PAK5: variants seen among roughly 807,000 people sequenced by gnomAD.
PAK5 encodes serine/threonine-protein kinase PAK 5.
A neutral mutation model predicts 65.9 loss-of-function variants in PAK5; 16 were observed. The observed-to-expected ratio is 0.24, with a 90% CI of 0.16 to 0.37. PAK5 has a LOEUF of 0.37. Among genes scored for constraint, PAK5 ranks in the 10% least tolerant of loss-of-function variants. The pLI, the probability that PAK5 is intolerant of heterozygous loss-of-function variation, is 1.00. For synonymous variants in PAK5, 371 were observed against 354.9 expected, an observed-to-expected ratio of 1.05 and a Z score of -0.51; for missense variants, 785 against 903.9, an observed-to-expected ratio of 0.87 and a Z score of 1.69.
intron 1 of PAK5, among the ~76,000 whole-genome samples, chr20:9,788,961 C>G (rs1207217115): frequency 6.6e-6 from 1 of 152,142 alleles, no homozygotes; most frequent in Non-Finnish European, 1.5e-5. Flanking sequence ...TGAATAAAGA[C>G]CAGTCACTAT....
chr20:9,656,669 C>T (rs2047272500), intron 2 of PAK5, among the ~76,000 whole-genome samples: 1 of 152,154 alleles, frequency 6.6e-6, no homozygotes, highest in African/African-American at 2.4e-5. Context: ...TACTTAATCT[C>T]TTTATGCCTC....
chr20:9,798,281 G>C (rs147064636), intron 1 of PAK5, among the ~76,000 whole-genome samples: 2 of 152,118 alleles, frequency 1.3e-5, no homozygotes, highest in South Asian at 4.1e-4. Context: ...CTATTGCTAC[G>C]TGTGTAATGT....
At chr20:9,797,240 TG>T (rs1301350461) in intron 1 of PAK5, among the ~76,000 whole-genome samples, 1 of 152,072 alleles carries the variant, frequency 6.6e-6, no homozygotes, top group African/African-American at 2.4e-5. Context: ...TGGGGTTGTT[TG>T]TTTTTTTCTT....
rs563859143 is a variant in PAK5 at position 9,751,831 on chromosome 20, T to C, written c.-161-40396A>G. 2.6e-5 allele frequency among the ~76,000 whole-genome samples: 4 copies of C among 152,274 alleles called. No individual in the cohort carries two copies. The South Asian group carries it at 8.3e-4, about 32-fold the overall frequency. Reference sequence around the variant, plus strand: ...AAAAAACCCATTTTAAAAGGAAAGGTTACAAGGATTCCTGTTTTGTTTTTA... The same window carrying C: ...AAAAAACCCATTTTAAAAGGAAAGGCTACAAGGATTCCTGTTTTGTTTTTA... On this transcript the variant is annotated intron_variant, in intron 1 of 9. Transcript: ENST00000353224.
intron 2 of PAK5, among the ~76,000 whole-genome samples, chr20:9,709,761 C>A (rs1018504446): frequency 6.6e-6 from 1 of 152,152 alleles, no homozygotes. Context: ...CTTAAAATAT[C>A]GTTCAGTTGA....
At chr20:9,792,321 C>T (rs758141964) in intron 1 of PAK5, among the ~76,000 whole-genome samples, 2 of 152,020 alleles carry the variant, frequency 1.3e-5, no homozygotes, top group Non-Finnish European at 2.9e-5. Context: ...CTAAGGGTTG[C>T]GGGAGAAGTT....
intron 1 of PAK5, among the ~76,000 whole-genome samples, chr20:9,799,219 A>G (rs573173958): frequency 4.2e-4 from 64 of 152,286 alleles, no homozygotes; most frequent in South Asian, 3.7e-3. Context: ...CCTTCCAAAC[A>G]CTTTACAAAG....
intron 2 of PAK5, among the ~76,000 whole-genome samples, chr20:9,670,493 G>C (rs2047481443): frequency 6.6e-6 from 1 of 152,084 alleles, no homozygotes; most frequent in Admixed American, 6.6e-5. Flanking sequence ...ATTTCACTGT[G>C]GTTTTGATTA....
chr20:9,815,217 G>A lies in PAK5; in HGVS notation c.-162+23545C>T, dbSNP rs111697131. 1.2e-3 allele frequency among the ~76,000 whole-genome samples: 183 copies of A among 152,280 alleles called. 2 individuals carry two copies. Among genetic ancestry groups the A allele is most frequent in the African/African-American group, 4.3e-3 (177 of 41,568 alleles). On this transcript the variant is annotated intron_variant, in intron 1 of 9. Transcript: ENST00000353224. The stretch of plus-strand genomic sequence containing the variant: ...TCCTACCAGGCCCACCTCCAACACT[G>A]AGGATCAAATTTCAACAAGAGACTT...
At chr20:9,749,809 C>A (rs1812946604) in intron 1 of PAK5, among the ~76,000 whole-genome samples, 1 of 152,134 alleles carries the variant, frequency 6.6e-6, no homozygotes, top group Non-Finnish European at 1.5e-5. Context: ...ATCAGCTGGA[C>A]TACAGTTTAA....
chr20:9,716,156 A>T (rs866856273), intron 1 of PAK5, among the ~76,000 whole-genome samples: 2,234 of 22,876 alleles, frequency 0.098, 21 homozygotes, highest in Middle Eastern at 0.27. Context: ...AAAAAAAAAA[A>T]TTAAAAAAAA....
chr20:9,541,256 G>A (rs1472709235), intron 9 of PAK5, among the ~76,000 whole-genome samples: 2 of 152,144 alleles, frequency 1.3e-5, no homozygotes, highest in Non-Finnish European at 2.9e-5. Flanking sequence ...GAAGAGAGGT[G>A]TGTATGGGGC....
intron 3 of PAK5, among the ~76,000 whole-genome samples, chr20:9,589,987 T>C (rs1025240299): frequency 6.6e-6 from 1 of 152,180 alleles, no homozygotes; most frequent in African/African-American, 2.4e-5. Context: ...CTTTAATATA[T>C]TACAAATTTT....
chr20:9,580,860 ATGT>A lies in PAK5; in HGVS notation c.272_274del (p.Asn91del), dbSNP rs2123019850. On this transcript the variant is annotated inframe_deletion, in exon 4 of 10. Coordinates refer to ENST00000353224, the MANE Select transcript of PAK5 (RefSeq NM_177990.4). ...TAGGGAGTTGGAGCGAGTCACCGAG[ATGT>A]TGTCAAAATCCTCTAGCAGGCCGTT... The A allele has an allele frequency of 1.2e-6, 2 of 1,613,340 alleles. No individual in the cohort carries two copies. Among genetic ancestry groups the A allele is most frequent in the Non-Finnish European group, 1.7e-6 (2 of 1,179,768 alleles).
intron 1 of PAK5, among the ~76,000 whole-genome samples, chr20:9,776,240 T>C (rs2048885747): frequency 6.6e-6 from 1 of 152,002 alleles, no homozygotes; most frequent in Non-Finnish European, 1.5e-5. Flanking sequence ...AAAGGTAGAG[T>C]CAGAATTTCA....
intron 2 of PAK5, among the ~76,000 whole-genome samples, chr20:9,662,039 T>C (rs760779756): frequency 6.6e-6 from 1 of 152,028 alleles, no homozygotes; most frequent in Non-Finnish European, 1.5e-5. Flanking sequence ...AAGCTTGGGG[T>C]TTATCTGTAG....
At chr20:9,670,739 T>G in intron 2 of PAK5, among the ~76,000 whole-genome samples, 1 of 152,212 alleles carries the variant, frequency 6.6e-6, no homozygotes. Context: ...TTCACTCTGA[T>G]GGTAGTTTCT....
chr20:9,814,583 C>G (rs1156644180), intron 1 of PAK5, among the ~76,000 whole-genome samples: 1 of 152,110 alleles, frequency 6.6e-6, no homozygotes, highest in African/African-American at 2.4e-5. Flanking sequence ...TAAAAGTGTT[C>G]TTTTAGATTT....
chr20:9,696,355 C>T (rs2047869295), intron 2 of PAK5, among the ~76,000 whole-genome samples: 1 of 152,044 alleles, frequency 6.6e-6, no homozygotes, highest in South Asian at 2.1e-4. Flanking sequence ...TTCTGTGATT[C>T]TCATGTGTGC....
Sources: gnomAD v4.1 joint callset for allele counts (sites outside exome capture counted in the v4.1 genomes callset) on GRCh38, gnomAD v4.1.1 for gene constraint, MANE v1.5 for transcripts, NCBI Gene and HGNC (gene_info 2026-07-23, HGNC 2026-07-21) for gene names.